HSDL1: variants seen among roughly 807,000 people sequenced by gnomAD.
The protein encoded by HSDL1 is inactive hydroxysteroid dehydrogenase-like protein 1.
HSDL1 carries 29 observed loss-of-function variants against 31.5 expected under a neutral mutation model. The observed-to-expected ratio is 0.92, with a 90% CI of 0.69 to 1.26. HSDL1 has a LOEUF of 1.26. HSDL1 is among the 50% of genes most tolerant of loss of function. HSDL1 has a pLI of 0.00. For missense variants in HSDL1, 503 were observed against 416.6 expected, an observed-to-expected ratio of 1.21 and a Z score of -1.81; for synonymous variants, 222 against 155.2, an observed-to-expected ratio of 1.43 and a Z score of -3.20.
chr16:84,131,561 C>G (rs370798434), intron 2 of HSDL1, among the ~76,000 whole-genome samples: 5 of 152,176 alleles, frequency 3.3e-5, no homozygotes, highest in African/African-American at 1.2e-4. Flanking sequence ...GTCGCCCAGG[C>G]TGGAGTGCAG....
In HSDL1 at chr16:84,124,493, G is replaced by T; in HGVS notation, c.*137C>A. On this transcript the variant is annotated 3_prime_UTR_variant, in exon 6 of 6. Transcript: ENST00000219439. ...ACAGCACTCTGACGGTATTATGTGT[G>T]TTTTGCAAATGACGAATCAACAGTA... 1 of 633,326 alleles carries T rather than the reference G, an allele frequency of 1.6e-6. No individual in the cohort carries two copies. Among genetic ancestry groups the T allele is most frequent in the Non-Finnish European group, 2.9e-6 (1 of 343,144 alleles). 39.2% of individuals were successfully genotyped at this position (633,326 alleles called of 1,614,324 possible).
At chr16:84,143,049 C>G (rs1211480541) in intron 1 of HSDL1, among the ~76,000 whole-genome samples, 2 of 152,220 alleles carry the variant, frequency 1.3e-5, no homozygotes, top group East Asian at 3.8e-4. Context: ...ACCATCATGT[C>G]TGTATTTATG....
At chr16:84,136,018 T>C (rs1450935710) in intron 1 of HSDL1, among the ~76,000 whole-genome samples, 5 of 152,248 alleles carry the variant, frequency 3.3e-5, no homozygotes, top group Non-Finnish European at 7.3e-5. Flanking sequence ...CTGGTGCCTG[T>C]CTGGGTTTCA....
intron 5 of HSDL1, 132 bp from the exon 6 acceptor site, chr16:84,124,860 C>G: frequency 1.7e-6 from 1 of 591,270 alleles, no homozygotes; most frequent in Non-Finnish European, 3.1e-6. Context: ...CAAATACCCA[C>G]CAATCACAAC....
intron 5 of HSDL1, among the ~76,000 whole-genome samples, chr16:84,128,474 A>C: frequency 6.6e-6 from 1 of 152,316 alleles, no homozygotes; most frequent in East Asian, 1.9e-4. Flanking sequence ...CTAAACAATA[A>C]GCTTAAAATA....
At chr16:84,125,362 A>T (rs563744800) in intron 5 of HSDL1, among the ~76,000 whole-genome samples, 2 of 150,848 alleles carry the variant, frequency 1.3e-5, no homozygotes, top group East Asian at 3.9e-4. Flanking sequence ...ACACCCACCA[A>T]TCAATCACAA....
chr16:84,141,859 C>T (rs563341072), intron 1 of HSDL1, among the ~76,000 whole-genome samples: 2 of 152,060 alleles, frequency 1.3e-5, no homozygotes, highest in African/African-American at 4.8e-5. Flanking sequence ...TGTAAGAATT[C>T]TTTAAATATT....
chr16:84,142,643 A>C (rs991605854), intron 1 of HSDL1, among the ~76,000 whole-genome samples: 1 of 151,576 alleles, frequency 6.6e-6, no homozygotes, highest in Admixed American at 6.6e-5. Flanking sequence ...CGGGGGTTTC[A>C]CCATATTGGC....
At position 84,136,102 on chromosome 16, in the gene HSDL1, A is replaced by G. The variant is rs554991789; in HGVS notation, c.-68-497T>C. ...CTGCAGCGTTCCCTGGAACATCCAC[A>G]TTGCCACGGGCTGCCCTGGCTTCTC... On this transcript the variant is annotated intron_variant, in intron 1 of 5. Coordinates refer to ENST00000219439, the MANE Select transcript of HSDL1 (RefSeq NM_031463.5). 5.3e-5 allele frequency among the ~76,000 whole-genome samples: 8 copies of G among 152,220 alleles called. No individual in the cohort carries two copies. The South Asian group carries it at 1.7e-3, about 32-fold the overall frequency.
intron 1 of HSDL1, among the ~76,000 whole-genome samples, chr16:84,140,468 G>T (rs1428451466): frequency 5.9e-5 from 9 of 151,894 alleles, no homozygotes; most frequent in Admixed American, 3.9e-4. Context: ...TTTCATCATG[G>T]TGGTCAGGCT....
At position 84,131,185 on chromosome 16, in the gene HSDL1, C is replaced by G; in HGVS notation, c.137G>C (p.Ser46Thr). The G allele has an allele frequency of 1.2e-6, 2 of 1,614,200 alleles. No homozygotes were observed. The highest frequency in any genetic ancestry group is 1.1e-5 in the South Asian group (1 of 91,080). Residue 46 changes from serine to threonine, a missense_variant, in exon 3 of 6, where the codon AGC (serine) becomes ACC (threonine). Coordinates refer to ENST00000219439, the MANE Select transcript of HSDL1 (RefSeq NM_031463.5). ...GGGGATAAAATGCAGCCTGATCAGG[C>G]TGTAAAAGTCACAGATGACAGTGAT... is the stretch of plus-strand genomic sequence containing the variant. ...KSITVICDFY[S>T]LIRLHFIPRL... is the part of the protein sequence containing the mutation.
At chr16:84,139,539 G>A (rs566371920) in intron 1 of HSDL1, among the ~76,000 whole-genome samples, 1 of 152,278 alleles carries the variant, frequency 6.6e-6, no homozygotes, top group African/African-American at 2.4e-5. Flanking sequence ...TGACTTTAGC[G>A]CAGTCACAAT....
Position 84,129,723 on chromosome 16 carries a change from C to G in HSDL1, c.719G>C (p.Gly240Ala). 1 of 1,614,156 alleles carries G rather than the reference C, an allele frequency of 6.2e-7. No homozygotes were observed. The highest frequency in any genetic ancestry group is 8.5e-7 in the Non-Finnish European group (1 of 1,180,030). ...RALQYEYASK[G>A]IFVQSLIPFY... ...AGGGATTAGACTCTGTACAAAGATT[C>G]CTTTAGAGGCATATTCATATTGCAA... Residue 240 changes from glycine to alanine, a missense_variant, in exon 5 of 6, where the codon GGA becomes GCA. By Grantham distance (60) the Gly-to-Ala change is moderately conservative. Transcript: ENST00000219439.
chr16:84,143,288 G>A (rs887676289), intron 1 of HSDL1, among the ~76,000 whole-genome samples: 2 of 152,182 alleles, frequency 1.3e-5, no homozygotes, highest in African/African-American at 4.8e-5. Context: ...ATGAAGTACT[G>A]ATACATACTA....
At position 84,128,711 on chromosome 16, in the gene HSDL1, C is replaced by CTT. The variant is rs757856268; in HGVS notation, c.894+835_894+836dup. Among the ~76,000 whole-genome samples, 165 of 143,026 alleles carry CTT rather than the reference C, an allele frequency of 1.2e-3. 2 individuals carry two copies. Among genetic ancestry groups the CTT allele is most frequent in the African/African-American group, 4.1e-3 (160 of 39,378 alleles). The allele number at this position is 143,026 out of a possible 152,430, so 93.8% of individuals were successfully genotyped here. A position where few individuals can be genotyped will look rare whatever the true frequency, so the allele number is the denominator to read the frequency against. On this transcript the variant is annotated intron_variant, in intron 5 of 5. Transcript: ENST00000219439. Reference sequence around the variant, plus strand: ...AACATCCACTTACAGCAGCATATTTCTTTTTTTTTTTTTGGAAACAGAGCC... The same window carrying CTT: ...AACATCCACTTACAGCAGCATATTTCTTTTTTTTTTTTTTTGGAAACAGAGCC...
At chr16:84,139,184 T>C (rs1159044390) in intron 1 of HSDL1, 1 of 152,232 alleles carries the variant, frequency 6.6e-6, no homozygotes, top group Non-Finnish European at 1.5e-5. Context: ...CCTCCAGGGA[T>C]ATCTACAGCC....
chr16:84,131,617 C>A (rs966013829), intron 2 of HSDL1, among the ~76,000 whole-genome samples: 27 of 151,732 alleles, frequency 1.8e-4, no homozygotes, highest in Admixed American at 7.2e-4. Flanking sequence ...CGGGTTCAAG[C>A]GATTCTCCTG....
chr16:84,130,993 AT>A, intron 3 of HSDL1, 108 bp downstream of exon 3: 1 of 885,200 alleles, frequency 1.1e-6, no homozygotes, highest in Non-Finnish European at 1.8e-6. Flanking sequence ...CATAAGTTTT[AT>A]TTTTTTATCA....
Position 84,137,261 on chromosome 16 carries a change from G to A in HSDL1, c.-68-1656C>T, listed in dbSNP as rs116208016. On this transcript the variant is annotated intron_variant, in intron 1 of 5. Coordinates refer to ENST00000219439, the MANE Select transcript of HSDL1 (RefSeq NM_031463.5). ...AGGAGGGAAGGGACCTCCCTGGCCC[G>A]GGCCCATGGAGAAAGGCTCGGCACC... 5.2e-3 allele frequency among the ~76,000 whole-genome samples: 787 copies of A among 152,320 alleles called. 12 individuals are homozygous for A. Among genetic ancestry groups the A allele is most frequent in the African/African-American group, 0.018 (748 of 41,564 alleles).
Sources: gnomAD v4.1 joint callset for allele counts (sites outside exome capture counted in the v4.1 genomes callset) on GRCh38, gnomAD v4.1.1 for gene constraint, MANE v1.5 for transcripts, NCBI Gene and HGNC (gene_info 2026-07-23, HGNC 2026-07-21) for gene names.